Variants in ANXA4 observed in about 807,000 individuals in gnomAD.
The protein encoded by ANXA4 is 35-beta calcimedin.
Under a neutral mutation model 49.8 loss-of-function variants are expected in ANXA4, and 39 were observed. The observed-to-expected ratio is 0.78, with a 90% CI of 0.61 to 1.02. The LOEUF is 1.02. Ranked by LOEUF, ANXA4 falls within the 50% of genes least tolerant of loss-of-function variation. The pLI is 0.00. For missense variants in ANXA4, 360 were observed against 410.1 expected, an observed-to-expected ratio of 0.88 and a Z score of 1.05; for synonymous variants, 134 against 152.5, an observed-to-expected ratio of 0.88 and a Z score of 0.89.
In ANXA4 at chr2:69,762,288, G is replaced by A. The variant is rs139436859; in HGVS notation, c.-46-19232G>A. On this transcript the variant is annotated intron_variant, in intron 1 of 12. Coordinates refer to ENST00000394295, the MANE Select transcript of ANXA4 (RefSeq NM_001153.5). ...TGTAGCAACAGCTACTTGGGAGGCT[G>A]AGGTGGAGAATCACTGGACCCTAAA... 3.9e-4 allele frequency among the ~76,000 whole-genome samples: 59 copies of A among 152,184 alleles called. No individual in the cohort carries two copies. The East Asian group carries it at 9.9e-3, about 25-fold the overall frequency.
At chr2:69,658,347 C>T (rs1676583127) in intron 2 of ANXA4, among the ~76,000 whole-genome samples, 1 of 147,378 alleles carries the variant, frequency 6.8e-6, no homozygotes, top group East Asian at 2.1e-4. Context: ...CTGCAGTGAG[C>T]TGAGATCACC....
At chr2:69,663,593 G>A (rs1676819258) in intron 2 of ANXA4, among the ~76,000 whole-genome samples, 1 of 151,948 alleles carries the variant, frequency 6.6e-6, no homozygotes, top group Admixed American at 6.6e-5. Flanking sequence ...CCAGTTTGAG[G>A]TTGTAGTGTG....
rs183970925 is a variant in ANXA4, at chr2:69,672,134, G to C, written n.766+18852G>C. Among the ~76,000 whole-genome samples the C allele has an allele frequency of 2.5e-3, 384 of 152,314 alleles. 3 individuals carry two copies. Among genetic ancestry groups the C allele is most frequent in the African/African-American group, 8.9e-3 (371 of 41,562 alleles). On this transcript the variant is annotated intron_variant and non_coding_transcript_variant, in intron 2 of 3. Coordinates refer to the ANXA4 transcript ENST00000418066. ...ATTATTTATAGATTGGAGATAAATT[G>C]TGGGATATTCATGAACCACAGTTAC... is the stretch of plus-strand genomic sequence containing the variant.
chr2:69,651,378 T>TA (rs1289048421), intron 1 of ANXA4, among the ~76,000 whole-genome samples: 2 of 152,178 alleles, frequency 1.3e-5, no homozygotes, highest in African/African-American at 4.8e-5. Context: ...TTTGTTTTCT[T>TA]AGAGATTTTC....
chr2:69,752,982 A>G (rs1354038591), intron 1 of ANXA4, among the ~76,000 whole-genome samples: 3 of 152,104 alleles, frequency 2.0e-5, no homozygotes, highest in Non-Finnish European at 2.9e-5. Context: ...TTCTTTCCCT[A>G]TTGAAATCCC....
intron 2 of ANXA4, among the ~76,000 whole-genome samples, chr2:69,682,258 T>C (rs1677625912): frequency 6.6e-6 from 1 of 152,220 alleles, no homozygotes; most frequent in Admixed American, 6.5e-5. Context: ...CTCTTAGCAC[T>C]GCTTTTGCTG....
At chr2:69,715,538 A>AAT (rs1678853895) in intron 2 of ANXA4, among the ~76,000 whole-genome samples, 1 of 152,250 alleles carries the variant, frequency 6.6e-6, no homozygotes, top group Admixed American at 6.5e-5. Flanking sequence ...GAGATGGTCA[A>AAT]ATATAATTGT....
At chr2:69,762,712 C>T (rs945788303) in intron 1 of ANXA4, among the ~76,000 whole-genome samples, 5 of 152,204 alleles carry the variant, frequency 3.3e-5, no homozygotes, top group East Asian at 1.9e-4. Flanking sequence ...CAACACCTCT[C>T]GGCCTGCTTT....
intron 2 of ANXA4, among the ~76,000 whole-genome samples, chr2:69,660,595 AAG>A (rs1676673868): frequency 6.6e-6 from 1 of 152,206 alleles, no homozygotes; most frequent in Admixed American, 6.6e-5. Flanking sequence ...GATTAGGAAA[AAG>A]AGTGTATGAA....
At chr2:69,713,784 A>C (rs1346357340) in intron 2 of ANXA4, 2 of 152,186 alleles carry the variant, frequency 1.3e-5, no homozygotes, top group Admixed American at 6.5e-5. Flanking sequence ...TGGGGCACCT[A>C]ACTCTCTTAA....
chr2:69,689,154 T>C (rs1573104638), intron 2 of ANXA4, among the ~76,000 whole-genome samples: 1 of 152,172 alleles, frequency 6.6e-6, no homozygotes. Context: ...TAAAGTGGCA[T>C]GATCATAGTC....
chr2:69,772,682 G>T (rs771608779), intron 1 of ANXA4, among the ~76,000 whole-genome samples: 42 of 152,094 alleles, frequency 2.8e-4, no homozygotes, highest in Non-Finnish European at 4.4e-4. Flanking sequence ...ACAATGAATC[G>T]AGGAGTACCA....
intron 1 of ANXA4, among the ~76,000 whole-genome samples, chr2:69,751,507 CAAAAAAAAAAAAAA>C (rs71397349): frequency 1.0e-5 from 1 of 96,878 alleles, no homozygotes; most frequent in Non-Finnish European, 2.1e-5. Context: ...GACCCTGTCT[CAAAAAAAAAAAAAA>C]AAAAAAATAC....
upstream of ANXA4, among the ~76,000 whole-genome samples, chr2:69,738,881 A>T (rs1415524324): frequency 6.6e-6 from 1 of 152,188 alleles, no homozygotes; most frequent in East Asian, 1.9e-4. Context: ...TGCCAGGTGG[A>T]ATAGAAGAAT....
At chr2:69,724,830 A>G (rs1250986531) in intron 3 of ANXA4, among the ~76,000 whole-genome samples, 1 of 151,302 alleles carries the variant, frequency 6.6e-6, no homozygotes, top group Non-Finnish European at 1.5e-5. Flanking sequence ...CTGCCACTAG[A>G]TGGCGTCCTC....
chr2:69,735,051 A>G (rs1670207884), intron 3 of ANXA4, among the ~76,000 whole-genome samples: 1 of 152,208 alleles, frequency 6.6e-6, no homozygotes, highest in Admixed American at 6.5e-5. Flanking sequence ...GGGGAATTGT[A>G]ACAGTGAAAG....
chr2:69,813,440 G>A (rs1466642925), intron 8 of ANXA4, among the ~76,000 whole-genome samples: 2 of 151,956 alleles, frequency 1.3e-5, no homozygotes, highest in Non-Finnish European at 2.9e-5. Context: ...TAGTAGAGAC[G>A]GGTTTTCACC....
At chr2:69,742,411 A>G (rs1008817628) in intron 1 of ANXA4, among the ~76,000 whole-genome samples, 1 of 152,180 alleles carries the variant, frequency 6.6e-6, no homozygotes, top group Non-Finnish European at 1.5e-5. Context: ...GGCACCATCC[A>G]GGACATCCAG....
intron 3 of ANXA4, 147 bp from the exon 4 acceptor site, chr2:69,804,386 A>G (rs1673345130): frequency 1.5e-6 from 1 of 656,892 alleles, no homozygotes; most frequent in Non-Finnish European, 2.6e-6. Flanking sequence ...TCTGTTTCCC[A>G]AAAAGTAGAC....
Sources: allele counts gnomAD v4.1 joint callset (sites outside exome capture counted in the v4.1 genomes callset), GRCh38; gene constraint gnomAD v4.1.1; transcripts MANE v1.5; gene names NCBI Gene and HGNC (gene_info 2026-07-23, HGNC 2026-07-21).